The following TLE1 variants were observed in gnomAD, a reference collection of about 807,000 sequenced individuals.
The protein encoded by TLE1 is TLE family member 1, transcriptional corepressor.
A neutral mutation model predicts 89.8 loss-of-function variants in TLE1; 21 were observed. That is an observed-to-expected ratio of 0.23 (90% confidence interval 0.17 to 0.34). The LOEUF (loss-of-function observed/expected upper bound fraction) is 0.34. TLE1 is among the 10% of genes least tolerant of loss of function. The probability of loss-of-function intolerance (pLI) is 1.00; values close to 1 mark genes in which losing one functional copy is unlikely to be tolerated. For synonymous variants in TLE1, 447 were observed against 407.6 expected (o/e 1.10, Z -1.16); for missense variants, 795 against 1,031.2 (o/e 0.77, Z 3.14).
At chr9:81,626,436 G>A (rs1465279119) in intron 8 of TLE1, among the ~76,000 whole-genome samples, 1 of 152,050 alleles carries the variant, frequency 6.6e-6, no homozygotes, top group Non-Finnish European at 1.5e-5. Context: ...GGTCCAACTG[G>A]TCATTCACGT....
chr9:81,590,040 C>G (rs933801648), intron 16 of TLE1, among the ~76,000 whole-genome samples: 1 of 152,202 alleles, frequency 6.6e-6, no homozygotes, highest in African/African-American at 2.4e-5. Flanking sequence ...GCCACAGACC[C>G]CAAACTGCAC....
At chr9:81,600,897 T>C (rs955017139) in intron 14 of TLE1, among the ~76,000 whole-genome samples, 3 of 152,184 alleles carry the variant, frequency 2.0e-5, no homozygotes, top group South Asian at 2.1e-4. Context: ...CTGGAACATC[T>C]ACCTGCTGCT....
intron 14 of TLE1, among the ~76,000 whole-genome samples, chr9:81,606,512 A>G (rs1373679295): frequency 6.6e-6 from 1 of 152,144 alleles, no homozygotes; most frequent in Non-Finnish European, 1.5e-5. Context: ...TCAGCAAACT[A>G]TCACAAGCAC....
At chr9:81,670,966 C>T (rs1321568665) in intron 4 of TLE1, among the ~76,000 whole-genome samples, 1 of 151,796 alleles carries the variant, frequency 6.6e-6, no homozygotes, top group South Asian at 2.1e-4. Context: ...GTCAGGAGTT[C>T]GAGACCAGCC....
chr9:81,668,503 A>C (rs1220164876), intron 4 of TLE1, among the ~76,000 whole-genome samples: 1 of 152,178 alleles, frequency 6.6e-6, no homozygotes. Context: ...TTTTAAATAC[A>C]AATTACTTCT....
chr9:81,679,699 C>T lies in TLE1; in HGVS notation c.234+5977G>A, dbSNP rs11139364. On this transcript the variant is annotated intron_variant, in intron 4 of 19. Transcript: ENST00000376499. ...TACTTAAAAACCACTATACTAAATACCCTGTAGTAAAGGTACTAGTTGTGA... is the reference window on the plus strand; with the variant it reads ...TACTTAAAAACCACTATACTAAATATCCTGTAGTAAAGGTACTAGTTGTGA... Among the ~76,000 whole-genome samples the T allele has an allele frequency of 4.6e-5, 7 of 151,948 alleles. No individual in the cohort carries two copies. The East Asian group carries it at 5.8e-4, about 13-fold the overall frequency.
chr9:81,630,044 C>G (rs1826375306), intron 8 of TLE1, among the ~76,000 whole-genome samples: 1 of 152,018 alleles, frequency 6.6e-6, no homozygotes, highest in Admixed American at 6.6e-5. Context: ...GATAAAAATC[C>G]ATACACACCC....
chr9:81,621,313 T>C (rs779385502), intron 8 of TLE1, among the ~76,000 whole-genome samples: 2 of 152,210 alleles, frequency 1.3e-5, no homozygotes, highest in Non-Finnish European at 2.9e-5. Flanking sequence ...TGGGGTCACA[T>C]GACATGATCT....
At position 81,634,684 on chromosome 9, in the gene TLE1, T is replaced by A. The variant is rs191012068; in HGVS notation, c.373-383A>T. Among the ~76,000 whole-genome samples the A allele has an allele frequency of 8.1e-4, 124 of 152,244 alleles. 2 individuals carry two copies. The East Asian group carries it at 0.02, about 24-fold the overall frequency. On this transcript the variant is annotated intron_variant, in intron 6 of 19. Transcript: ENST00000376499. Reference sequence around the variant, plus strand: ...TTCTGTCTTTATGCGCCTCCAGGGATGAGATCCAGCATGTCACTCAATCTA... The same window carrying A: ...TTCTGTCTTTATGCGCCTCCAGGGAAGAGATCCAGCATGTCACTCAATCTA...
chr9:81,593,005 A>G lies in TLE1; in HGVS notation c.1581+20T>C. 1 of 1,601,160 alleles carries G rather than the reference A, an allele frequency of 6.2e-7. No homozygotes were observed. Among genetic ancestry groups the G allele is most frequent in the Non-Finnish European group, 8.6e-7 (1 of 1,169,412 alleles). On this transcript the variant is annotated intron_variant, in intron 15 of 19. Transcript: ENST00000376499. ...CTCCAGGGAGAAATTGCCCTTGTGCACCAGTTCCTGTTCACTCACCAGACA... is the reference window on the plus strand; with the variant it reads ...CTCCAGGGAGAAATTGCCCTTGTGCGCCAGTTCCTGTTCACTCACCAGACA...
chr9:81,589,813 C>T (rs1167082629), intron 16 of TLE1, among the ~76,000 whole-genome samples: 1 of 152,196 alleles, frequency 6.6e-6, no homozygotes, highest in Non-Finnish European at 1.5e-5. Flanking sequence ...AGAGGGCGTT[C>T]GGCCCTGGCT....
intron 6 of TLE1, among the ~76,000 whole-genome samples, chr9:81,642,357 C>T (rs1383514061): frequency 6.6e-6 from 1 of 152,030 alleles, no homozygotes; most frequent in Non-Finnish European, 1.5e-5. Flanking sequence ...TGTACATGAT[C>T]CAGCAATCCC....
At chr9:81,587,923 T>TC in intron 16 of TLE1, 95 bp from the exon 17 acceptor site, 1 of 1,014,176 alleles carries the variant, frequency 9.9e-7, no homozygotes. Context: ...TGTGTGTGTG[T>TC]GTGTGTGTGT....
At position 81,687,331 on chromosome 9, in the gene TLE1, C is replaced by A; in HGVS notation, c.125+3G>T. On this transcript the variant is annotated splice_donor_region_variant and intron_variant, in intron 2 of 19. Transcript: ENST00000376499. The stretch of plus-strand genomic sequence containing the variant: ...CACTCGCATGGCGCGGCCGGACACG[C>A]ACCTGTGATACTGCGCCTGCAGGAA... 1 of 1,601,294 alleles carries A rather than the reference C, an allele frequency of 6.2e-7. No homozygotes were observed. Among genetic ancestry groups the A allele is most frequent in the Admixed American group, 1.7e-5 (1 of 58,204 alleles).
intron 16 of TLE1, 63 bp from the exon 17 acceptor site, chr9:81,587,891 G>A: frequency 3.7e-6 from 3 of 803,644 alleles, no homozygotes; most frequent in Non-Finnish European, 5.2e-6. Context: ...ACACTGTTGT[G>A]TTGTTAGTTT....
chr9:81,588,007 A>G (rs1207362273), intron 16 of TLE1, among the ~76,000 whole-genome samples, 179 bp from the exon 17 acceptor site: 1 of 150,938 alleles, frequency 6.6e-6, no homozygotes, highest in African/African-American at 2.4e-5. Flanking sequence ...GAGGAGGGGA[A>G]ACAGCACCTG....
intron 12 of TLE1, 146 bp from the exon 13 acceptor site, chr9:81,612,105 A>T: frequency 1.5e-6 from 1 of 673,380 alleles, no homozygotes; most frequent in South Asian, 6.9e-5. Flanking sequence ...ATCACCTCCA[A>T]TTTATACACT....
chr9:81,670,225 C>T (rs1832039681), intron 4 of TLE1, among the ~76,000 whole-genome samples: 1 of 152,192 alleles, frequency 6.6e-6, no homozygotes, highest in African/African-American at 2.4e-5. Context: ...GCCATATTAA[C>T]CAGTATGCGA....
chr9:81,661,207 TA>T (rs1564045767), intron 4 of TLE1, among the ~76,000 whole-genome samples: 30 of 24,048 alleles, frequency 1.2e-3, no homozygotes, highest in African/African-American at 9.0e-3. Context: ...TATGTATTTT[TA>T]TATATATATA....
Sources: gnomAD v4.1 joint callset for allele counts (sites outside exome capture counted in the v4.1 genomes callset) on GRCh38, gnomAD v4.1.1 for gene constraint, MANE v1.5 for transcripts, NCBI Gene and HGNC (gene_info 2026-07-23, HGNC 2026-07-21) for gene names.